Variants in SNX32 observed in about 807,000 individuals in gnomAD.
The protein encoded by SNX32 is sorting nexin 32.
A neutral mutation model predicts 57.0 loss-of-function variants in SNX32; 58 were observed. The ratio of observed to expected loss-of-function variants is 1.02; its 90% CI spans 0.82 to 1.27. The LOEUF is 1.27. SNX32 is among the 50% of genes most tolerant of loss of function. SNX32 has a pLI of 0.00. For missense variants in SNX32, 589 were observed against 541.2 expected (o/e 1.09, Z -0.88); for synonymous variants, 262 against 220.4 (o/e 1.19, Z -1.67).
At chr11:65,837,525 A>AAAACC (rs1311584638) in intron 1 of SNX32, among the ~76,000 whole-genome samples, 1 of 152,094 alleles carries the variant, frequency 6.6e-6, no homozygotes, top group Non-Finnish European at 1.5e-5. Context: ...AAAACAAAAC[A>AAAACC]AAACCAAAAA....
Position 65,851,634 on chromosome 11 carries a change from T to G in SNX32, c.786-6T>G, listed in dbSNP as rs1457814168. On this transcript the variant is annotated splice_region_variant and splice_polypyrimidine_tract_variant and intron_variant, in intron 8 of 12. Coordinates refer to ENST00000308342, the MANE Select transcript of SNX32 (RefSeq NM_152760.3). The stretch of plus-strand genomic sequence containing the variant: ...CTACCCTAACTCCCTCCCTACTGCT[T>G]CCTAGGAGCTTCCTCAAATTGGCAG... 6.2e-7 allele frequency: 1 copy of G among 1,614,028 alleles called. No individual in the cohort carries two copies. The highest frequency in any genetic ancestry group is 1.7e-5 in the Admixed American group (1 of 60,006).
chr11:65,845,113 T>C (rs934542327), intron 1 of SNX32, among the ~76,000 whole-genome samples: 1 of 116,722 alleles, frequency 8.6e-6, no homozygotes, highest in African/African-American at 3.4e-5. Context: ...CTGGGCAGCA[T>C]AGCGAGAACA....
At chr11:65,853,064 T>C (rs1859271689) in intron 12 of SNX32, 106 bp downstream of exon 12, 6 of 1,320,694 alleles carry the variant, frequency 4.5e-6, no homozygotes, top group South Asian at 1.2e-5. Context: ...TGCACGCATG[T>C]ATGCGCGTGT....
intron 9 of SNX32, 31 bp from the exon 10 acceptor site, chr11:65,852,434 T>C: frequency 6.2e-7 from 1 of 1,604,128 alleles, no homozygotes; most frequent in Non-Finnish European, 8.5e-7. Flanking sequence ...TCTGACAAGC[T>C]CCCTTCCCAG....
intron 6 of SNX32, 54 bp from the exon 7 acceptor site, chr11:65,851,001 T>C (rs2134700006): frequency 6.4e-7 from 1 of 1,553,168 alleles, no homozygotes; most frequent in Non-Finnish European, 8.9e-7. Context: ...GGTGCCTGTG[T>C]TGTCAAGCCC....
At chr11:65,839,480 C>CG in intron 1 of SNX32, among the ~76,000 whole-genome samples, 1 of 149,770 alleles carries the variant, frequency 6.7e-6, no homozygotes, top group Non-Finnish European at 1.5e-5. Flanking sequence ...CCGCCCGCCT[C>CG]GGCCTCCCAA....
intron 1 of SNX32, among the ~76,000 whole-genome samples, chr11:65,839,215 A>ATTTTTTTTTTTTTTTTTTTTTTTTTTT (rs1555032605): frequency 5.1e-5 from 1 of 19,514 alleles, no homozygotes; most frequent in African/African-American, 1.4e-4. Flanking sequence ...CGCCCAGCTA[A>ATTTTTTTTTTTTTTTTTTTTTTTTTTT]TTTTTTTGTA....
At chr11:65,853,134 G>C (rs1042209471) in intron 12 of SNX32, 148 bp from the exon 13 acceptor site, 8 of 1,321,796 alleles carry the variant, frequency 6.1e-6, no homozygotes, top group Non-Finnish European at 6.5e-6. Flanking sequence ...CTCAGGACCC[G>C]TGCCTTCTGG....
rs546794558 is a variant in SNX32, at chr11:65,845,737, C to CAA, written c.37-3733_37-3732dup. On this transcript the variant is annotated intron_variant, in intron 1 of 12. Transcript: ENST00000308342. ...GGTCAACAAGAGCAAAACTCCATCT[C>CAA]AAAAAAAAACCAACAAAAAACTGTT... Among the ~76,000 whole-genome samples the CAA allele has an allele frequency of 9.7e-3, 1,453 of 150,082 alleles. 18 individuals are homozygous for CAA. Among genetic ancestry groups the CAA allele is most frequent in the African/African-American group, 0.033 (1,351 of 40,856 alleles).
chr11:65,838,310 T>G (rs1858730001), intron 1 of SNX32, among the ~76,000 whole-genome samples: 1 of 152,130 alleles, frequency 6.6e-6, no homozygotes, highest in African/African-American at 2.4e-5. Flanking sequence ...AGGCACCTAA[T>G]AATATAGCAT....
intron 1 of SNX32, among the ~76,000 whole-genome samples, chr11:65,836,580 TTATAC>T (rs1212713134): frequency 1.3e-5 from 2 of 152,084 alleles, no homozygotes; most frequent in Non-Finnish European, 2.9e-5. Context: ...TTATAAATAA[TTATAC>T]TATAAAGACA....
chr11:65,839,741 A>C (rs1858788069), intron 1 of SNX32, among the ~76,000 whole-genome samples: 1 of 152,118 alleles, frequency 6.6e-6, no homozygotes, highest in African/African-American at 2.4e-5. Context: ...CCAAAAAAAA[A>C]AAAAAAAATT....
chr11:65,851,916 C>T (rs375627924), intron 9 of SNX32, among the ~76,000 whole-genome samples: 4 of 152,072 alleles, frequency 2.6e-5, no homozygotes, highest in African/African-American at 7.2e-5. Flanking sequence ...TGTGCAGCAG[C>T]GGAGGGTTGG....
intron 6 of SNX32, 23 bp downstream of exon 6, chr11:65,850,878 G>A (rs369745618): frequency 1.4e-5 from 22 of 1,601,048 alleles, no homozygotes; most frequent in South Asian, 2.2e-5. Context: ...GCTCCTCTCC[G>A]GATTCAACCC....
chr11:65,851,681 T>C lies in SNX32; in HGVS notation c.825+2T>C, dbSNP rs755623034. The C allele has an allele frequency of 4.3e-6, 7 of 1,613,870 alleles. No individual in the cohort carries two copies. Among genetic ancestry groups the C allele is most frequent in the South Asian group, 3.3e-5 (3 of 91,076 alleles). ...GCAGAGCTCTTTGAACGGCTGAGGG[T>C]GAGTACTGCCTTCTGTGCTCAAAGG... On this transcript the variant is annotated splice_donor_variant, in intron 9 of 12. Coordinates refer to ENST00000308342, the MANE Select transcript of SNX32 (RefSeq NM_152760.3). LOFTEE classifies it high-confidence loss of function.
In SNX32 at chr11:65,842,529, T is replaced by C. The variant is rs545983716; in HGVS notation, c.37-6949T>C. Among the ~76,000 whole-genome samples, 6 of 152,168 alleles carry C rather than the reference T, an allele frequency of 3.9e-5. No homozygotes were observed. In the South Asian group the frequency reaches 6.2e-4, roughly 16 times the overall value. The stretch of plus-strand genomic sequence containing the variant: ...TTAGCTGGGCCTGGTGGCACACGCC[T>C]GTAATCCCAGCTACTTGGGAGGCTG... On this transcript the variant is annotated intron_variant, in intron 1 of 12. Coordinates refer to ENST00000308342, the MANE Select transcript of SNX32 (RefSeq NM_152760.3).
At chr11:65,849,331 C>T in intron 1 of SNX32, 147 bp from the exon 2 acceptor site, 1 of 637,488 alleles carries the variant, frequency 1.6e-6, no homozygotes, top group East Asian at 2.7e-5. Flanking sequence ...AGGTCAGTGC[C>T]TTATCAGGAC....
chr11:65,834,950 GTC>G (rs1477851552), intron 1 of SNX32, among the ~76,000 whole-genome samples: 1 of 150,980 alleles, frequency 6.6e-6, no homozygotes, highest in Admixed American at 6.6e-5. Context: ...ATCTGTGTGT[GTC>G]TGTGTGCCTG....
rs778313227 is a variant in SNX32, at chr11:65,849,460, A to G, written c.37-18A>G. ...GGGGCCATGCTCAGCCAGGCCAGAG[A>G]CCTCCCCTCCTCCGCAGCCTTCCTG... On this transcript the variant is annotated intron_variant, in intron 1 of 12. Transcript: ENST00000308342. The G allele has an allele frequency of 1.3e-6, 2 of 1,593,008 alleles. No individual in the cohort carries two copies. The highest frequency in any genetic ancestry group is 1.7e-5 in the Admixed American group (1 of 59,012).
Sources: gnomAD v4.1 joint callset for allele counts (sites outside exome capture counted in the v4.1 genomes callset) on GRCh38, gnomAD v4.1.1 for gene constraint, MANE v1.5 for transcripts, NCBI Gene and HGNC (gene_info 2026-07-23, HGNC 2026-07-21) for gene names.